The following TEAD1 variants were observed in gnomAD, a reference collection of about 807,000 sequenced individuals.
TEAD1 encodes TEA domain transcription factor 1, also known as transcriptional enhancer factor TEF-1.
A neutral mutation model predicts 54.9 loss-of-function variants in TEAD1; 9 were observed. That is an observed-to-expected ratio of 0.16 (90% CI 0.10 to 0.29). TEAD1 has a LOEUF of 0.29. Among genes scored for constraint, TEAD1 ranks in the 10% least tolerant of loss-of-function variants. TEAD1 has a pLI of 1.00. For missense variants in TEAD1, 387 were observed against 535.9 expected (o/e 0.72, Z 2.74); for synonymous variants, 200 against 187.8 (o/e 1.07, Z -0.53).
rs112749310 is a variant in TEAD1, at chr11:12,764,477, G to A, written c.202+43G>A. The stretch of plus-strand genomic sequence containing the variant: ...CTCCTTTGAAATACTACAACCTGCA[G>A]TTGTGGTAGGGGATAGATTGTAGCT... On this transcript the variant is annotated intron_variant, in intron 3 of 12. Transcript: ENST00000527636. The A allele has an allele frequency of 4.1e-4, 657 of 1,602,774 alleles. 1 individual carries two copies. In the African/African-American group the frequency reaches 7.3e-3, roughly 18 times the overall value.
rs539852523 is a variant in TEAD1, at chr11:12,904,874, T to TA, written c.873+2762dup. The TA allele has an allele frequency of 9.9e-4, 358 of 361,166 alleles. 2 individuals carry two copies. Among genetic ancestry groups the TA allele is most frequent in the African/African-American group, 7.3e-3 (328 of 44,648 alleles). 22.4% of individuals were successfully genotyped at this position (361,166 alleles called of 1,614,324 possible). A position where few individuals can be genotyped will look rare whatever the true frequency, so the allele number is the denominator to read the frequency against. ...CTGCTGCTAGAATGCTCACACCTGT[T>TA]ACGGCAAATTCAAAACCCAGGAAAG... On this transcript the variant is annotated intron_variant, in intron 10 of 12. Coordinates refer to ENST00000527636, the MANE Select transcript of TEAD1 (RefSeq NM_021961.6).
chr11:12,767,745 G>A (rs761018425), intron 3 of TEAD1, among the ~76,000 whole-genome samples: 17 of 152,266 alleles, frequency 1.1e-4, no homozygotes, highest in South Asian at 2.1e-4. Flanking sequence ...GTAGGCAGTC[G>A]TTTTTATGGA....
At chr11:12,828,854 T>TA (rs1491286616) in intron 3 of TEAD1, among the ~76,000 whole-genome samples, 4 of 149,122 alleles carry the variant, frequency 2.7e-5, no homozygotes, top group South Asian at 2.1e-4. Context: ...TTTTTTTTTT[T>TA]ACCCCGTATT....
At chr11:12,900,965 C>T in intron 9 of TEAD1, among the ~76,000 whole-genome samples, 1 of 152,138 alleles carries the variant, frequency 6.6e-6, no homozygotes. Flanking sequence ...AGAGGCATGC[C>T]CGAAGAGTCT....
At chr11:12,750,101 C>T (rs973255906) in intron 2 of TEAD1, among the ~76,000 whole-genome samples, 5 of 152,178 alleles carry the variant, frequency 3.3e-5, no homozygotes, top group African/African-American at 1.2e-4. Flanking sequence ...TGTGAACCGG[C>T]AGTGTTGCGT....
chr11:12,871,296 A>G (rs1947740003), intron 5 of TEAD1, among the ~76,000 whole-genome samples: 2 of 152,160 alleles, frequency 1.3e-5, no homozygotes, highest in African/African-American at 2.4e-5. Context: ...TTTAGCCCCT[A>G]TTGGCGTCTC....
At chr11:12,725,542 A>T (rs1408753948) in intron 2 of TEAD1, among the ~76,000 whole-genome samples, 1 of 152,218 alleles carries the variant, frequency 6.6e-6, no homozygotes, top group African/African-American at 2.4e-5. Flanking sequence ...TGACTTGATC[A>T]TTACATATTC....
At chr11:12,781,525 C>A (rs533971126) in intron 3 of TEAD1, among the ~76,000 whole-genome samples, 1 of 151,746 alleles carries the variant, frequency 6.6e-6, no homozygotes, top group East Asian at 1.9e-4. Flanking sequence ...CTGGACCTTT[C>A]CTTAAAAAAG....
intron 3 of TEAD1, among the ~76,000 whole-genome samples, chr11:12,835,183 A>G (rs1946861453): frequency 6.6e-6 from 1 of 152,172 alleles, no homozygotes; most frequent in Non-Finnish European, 1.5e-5. Flanking sequence ...TTTTTTAGCT[A>G]CAAAGCAGCA....
At chr11:12,857,082 T>G (rs1947399286) in intron 3 of TEAD1, among the ~76,000 whole-genome samples, 1 of 152,228 alleles carries the variant, frequency 6.6e-6, no homozygotes, top group Non-Finnish European at 1.5e-5. Context: ...GCAAACTCCA[T>G]GCCTTTCTTC....
chr11:12,788,955 G>A (rs1172451985), intron 3 of TEAD1, among the ~76,000 whole-genome samples: 4 of 152,132 alleles, frequency 2.6e-5, no homozygotes, highest in African/African-American at 9.7e-5. Context: ...TGGCTGTGTT[G>A]CCCACGCTGG....
At chr11:12,763,769 A>G (rs1463341487) in intron 2 of TEAD1, among the ~76,000 whole-genome samples, 5 of 152,220 alleles carry the variant, frequency 3.3e-5, no homozygotes, top group Non-Finnish European at 5.9e-5. Context: ...CCCCTGGTAG[A>G]TAGTAGGCAC....
intron 2 of TEAD1, among the ~76,000 whole-genome samples, chr11:12,725,299 G>A (rs764393717): frequency 6.6e-6 from 1 of 152,126 alleles, no homozygotes; most frequent in Non-Finnish European, 1.5e-5. Context: ...TCTAAAACCT[G>A]ACCTTACAAT....
chr11:12,786,232 G>A (rs1945673974), intron 3 of TEAD1, among the ~76,000 whole-genome samples: 1 of 152,230 alleles, frequency 6.6e-6, no homozygotes, highest in Admixed American at 6.5e-5. Flanking sequence ...AGCAGGTGGA[G>A]ATGAATGCTC....
Position 12,734,074 on chromosome 11 carries a change from C to T in TEAD1, c.-54-30105C>T, listed in dbSNP as rs575857297. Among the ~76,000 whole-genome samples the T allele has an allele frequency of 2.6e-5, 4 of 152,300 alleles. No individual in the cohort carries two copies. In the South Asian group the frequency reaches 6.2e-4, roughly 24 times the overall value. On this transcript the variant is annotated intron_variant, in intron 2 of 12. Coordinates refer to ENST00000527636, the MANE Select transcript of TEAD1 (RefSeq NM_021961.6). ...AGCTGGGACTACTGGCATGCACCAC[C>T]ATGCCTAATTTTTAAATTTTTTGTG...
At chr11:12,784,066 C>T (rs962828431) in intron 3 of TEAD1, among the ~76,000 whole-genome samples, 16 of 152,110 alleles carry the variant, frequency 1.1e-4, no homozygotes, top group Admixed American at 3.9e-4. Context: ...AGGGCTTGAA[C>T]TAGGTCAGAG....
At chr11:12,734,271 A>C (rs1390637855) in intron 2 of TEAD1, among the ~76,000 whole-genome samples, 1 of 152,230 alleles carries the variant, frequency 6.6e-6, no homozygotes, top group African/African-American at 2.4e-5. Context: ...TTAAGTAGAA[A>C]GCTTATAGAA....
intron 2 of TEAD1, among the ~76,000 whole-genome samples, chr11:12,700,414 A>AT (rs1184193534): frequency 6.6e-6 from 1 of 152,234 alleles, no homozygotes; most frequent in Non-Finnish European, 1.5e-5. Context: ...CTCTTCATTC[A>AT]TTTTTATAAC....
chr11:12,924,310 T>A (rs941152800), intron 10 of TEAD1, among the ~76,000 whole-genome samples: 4 of 152,226 alleles, frequency 2.6e-5, no homozygotes, highest in African/African-American at 9.7e-5. Flanking sequence ...TGAATGATAG[T>A]TATTTTATGT....
Sources: gnomAD v4.1 joint callset for allele counts (sites outside exome capture counted in the v4.1 genomes callset) on GRCh38, gnomAD v4.1.1 for gene constraint, MANE v1.5 for transcripts, NCBI Gene and HGNC (gene_info 2026-07-23, HGNC 2026-07-21) for gene names.